The following RALGPS1 variants were observed in gnomAD, a reference collection of about 807,000 sequenced individuals.
The protein encoded by RALGPS1 is Ral GEF with PH domain and SH3 binding motif 1, also known as ras-specific guanine nucleotide-releasing factor RalGPS1.
A neutral mutation model predicts 78.8 loss-of-function variants in RALGPS1; 19 were observed. The ratio of observed to expected loss-of-function variants is 0.24; its 90% CI spans 0.17 to 0.35. RALGPS1 has a LOEUF of 0.35. RALGPS1 is among the 10% of genes least tolerant of loss of function. RALGPS1 has a pLI of 1.00. For synonymous variants in RALGPS1, 228 were observed against 256.3 expected, an observed-to-expected ratio of 0.89 and a Z score of 1.06; for missense variants, 454 against 688.3, an observed-to-expected ratio of 0.66 and a Z score of 3.81.
intron 8 of RALGPS1, among the ~76,000 whole-genome samples, chr9:127,094,345 C>T (rs1489797038): frequency 2.0e-5 from 3 of 152,178 alleles, no homozygotes; most frequent in Non-Finnish European, 4.4e-5. Context: ...ACCTACTAAA[C>T]GTGGCAACAT....
At chr9:126,960,197 TTCCC>T (rs1229964923) in intron 1 of RALGPS1, among the ~76,000 whole-genome samples, 104 of 42,142 alleles carry the variant, frequency 2.5e-3, no homozygotes, top group Middle Eastern at 0.012. Context: ...CCTCCCTTCC[TTCCC>T]TCCCTCCCTC....
At chr9:127,010,145 T>G (rs558143683) in intron 4 of RALGPS1, among the ~76,000 whole-genome samples, 4 of 152,070 alleles carry the variant, frequency 2.6e-5, no homozygotes, top group Non-Finnish European at 4.4e-5. Flanking sequence ...AAACAAGGAA[T>G]TTGGCCATCC....
At chr9:126,993,702 T>G (rs2042472740) in intron 4 of RALGPS1, among the ~76,000 whole-genome samples, 2 of 152,092 alleles carry the variant, frequency 1.3e-5, no homozygotes, top group Non-Finnish European at 2.9e-5. Flanking sequence ...AGCACGCAGC[T>G]TGAGATCTGA....
chr9:127,017,257 C>T (rs141549026), intron 4 of RALGPS1, among the ~76,000 whole-genome samples: 28 of 152,314 alleles, frequency 1.8e-4, no homozygotes, highest in Non-Finnish European at 2.2e-4. Context: ...TTAGGTGATA[C>T]GGCATAGCCT....
chr9:126,958,124 T>A (rs1250007532), intron 1 of RALGPS1, among the ~76,000 whole-genome samples: 1 of 43,258 alleles, frequency 2.3e-5, no homozygotes, highest in Non-Finnish European at 6.3e-5. Context: ...GAGCTGTCTC[T>A]TTAAAAAAAA....
chr9:127,000,237 TG>T (rs1179694370), intron 4 of RALGPS1, among the ~76,000 whole-genome samples: 1 of 152,174 alleles, frequency 6.6e-6, no homozygotes, highest in African/African-American at 2.4e-5. Context: ...CTGCTTACTT[TG>T]GGTTTAATTT....
intron 1 of RALGPS1, among the ~76,000 whole-genome samples, chr9:126,922,829 G>T (rs1324271274): frequency 6.6e-6 from 1 of 152,214 alleles, no homozygotes; most frequent in Non-Finnish European, 1.5e-5. Flanking sequence ...AGCCAGAATG[G>T]TCTGAGCATG....
chr9:127,143,414 A>G (rs899072861), intron 8 of RALGPS1, among the ~76,000 whole-genome samples: 7 of 152,180 alleles, frequency 4.6e-5, no homozygotes, highest in African/African-American at 1.7e-4. Flanking sequence ...GGAGGCTTTT[A>G]TTTATTAATT....
At chr9:127,134,688 TTTG>T (rs980176562) in intron 8 of RALGPS1, among the ~76,000 whole-genome samples, 33 of 152,286 alleles carry the variant, frequency 2.2e-4, no homozygotes, top group South Asian at 6.2e-4. Context: ...TCATTTTGTT[TTTG>T]TTGTTGTTGT....
intron 1 of RALGPS1, among the ~76,000 whole-genome samples, chr9:126,918,529 C>T (rs9409299): frequency 0.028 from 4,201 of 152,196 alleles, 52 homozygotes; most frequent in Middle Eastern, 0.048. Flanking sequence ...CACTATGTTG[C>T]CCAGGCTGGT....
intron 1 of RALGPS1, among the ~76,000 whole-genome samples, chr9:126,937,624 C>A (rs1380501826): frequency 6.6e-6 from 1 of 152,220 alleles, no homozygotes; most frequent in Admixed American, 6.5e-5. Context: ...AGCAGATTGC[C>A]TCCTGACCCA....
At chr9:127,186,992 A>G (rs2060692130) in intron 11 of RALGPS1, among the ~76,000 whole-genome samples, 1 of 152,216 alleles carries the variant, frequency 6.6e-6, no homozygotes, top group Non-Finnish European at 1.5e-5. Context: ...AGACAGGAAA[A>G]GGAGTCAGGC....
chr9:126,922,904 T>C (rs1016993604), intron 1 of RALGPS1, among the ~76,000 whole-genome samples: 1 of 152,198 alleles, frequency 6.6e-6, no homozygotes, highest in African/African-American at 2.4e-5. Flanking sequence ...ACCACATCAT[T>C]AGCATGGCCG....
chr9:127,161,493 T>C (rs367757841), intron 8 of RALGPS1, among the ~76,000 whole-genome samples: 4 of 152,186 alleles, frequency 2.6e-5, no homozygotes, highest in African/African-American at 9.7e-5. Context: ...CTCTCACTTA[T>C]ACCACAGCTG....
intron 4 of RALGPS1, among the ~76,000 whole-genome samples, chr9:126,982,504 A>G (rs2041338038): frequency 6.6e-6 from 1 of 152,224 alleles, no homozygotes. Flanking sequence ...AACCTATTAA[A>G]ACAACAACCA....
At chr9:127,204,672 G>A (rs989280146) in intron 14 of RALGPS1, among the ~76,000 whole-genome samples, 4 of 152,166 alleles carry the variant, frequency 2.6e-5, no homozygotes, top group African/African-American at 7.2e-5. Context: ...GTGGGGTGGT[G>A]CTGTAGGGCG....
chr9:127,021,627 CTTTTTTT>C (rs58796181), intron 4 of RALGPS1, among the ~76,000 whole-genome samples: 3 of 131,998 alleles, frequency 2.3e-5, no homozygotes, highest in East Asian at 2.2e-4. Flanking sequence ...TCTTCTTCTT[CTTTTTTT>C]TTTTTTTTTT....
At chr9:127,207,104 G>A (rs1471265993) in intron 14 of RALGPS1, among the ~76,000 whole-genome samples, 2 of 151,638 alleles carry the variant, frequency 1.3e-5, no homozygotes, top group African/African-American at 4.8e-5. Context: ...CACCACCACC[G>A]TTACCACCAT....
intron 8 of RALGPS1, among the ~76,000 whole-genome samples, chr9:127,128,438 C>T (rs2056782083): frequency 6.6e-6 from 1 of 152,232 alleles, no homozygotes; most frequent in Admixed American, 6.5e-5. Flanking sequence ...ATGCTTTTTA[C>T]AGTTGATGAC....
Sources: allele counts gnomAD v4.1 joint callset (sites outside exome capture counted in the v4.1 genomes callset), GRCh38; gene constraint gnomAD v4.1.1; transcripts MANE v1.5; gene names NCBI Gene and HGNC (gene_info 2026-07-23, HGNC 2026-07-21).